The following CNTNAP5 variants were observed in gnomAD, a reference collection of about 807,000 sequenced individuals.
CNTNAP5 encodes the protein contactin-associated protein-like 5.
In CNTNAP5, 72 loss-of-function variants were observed where a neutral mutation model predicts 150.2. That is an observed-to-expected ratio of 0.48 (90% confidence interval 0.40 to 0.58). CNTNAP5 has a LOEUF of 0.58. CNTNAP5 is among the 20% of genes least tolerant of loss of function. The pLI is 0.00. For missense variants in CNTNAP5, 1,636 were observed against 1,626.2 expected (o/e 1.01, Z -0.10); for synonymous variants, 672 against 619.8 (o/e 1.08, Z -1.25).
intron 19 of CNTNAP5, among the ~76,000 whole-genome samples, chr2:124,812,402 G>A (rs1018924203): frequency 5.3e-5 from 8 of 151,360 alleles, no homozygotes; most frequent in Admixed American, 4.0e-4. Context: ...TTATGGCAGA[G>A]CACTCCAAAG....
chr2:124,800,008 C>A (rs575414375), intron 19 of CNTNAP5, among the ~76,000 whole-genome samples: 1 of 152,262 alleles, frequency 6.6e-6, no homozygotes, highest in Non-Finnish European at 1.5e-5. Context: ...ATCAACATAG[C>A]AGGTCTTAGA....
Position 124,060,000 on chromosome 2 carries a change from A to T in CNTNAP5, c.82+34268A>T, listed in dbSNP as rs145456646. The stretch of plus-strand genomic sequence containing the variant: ...GAGGTGAAAAATGAAAATACTTCAA[A>T]TATTTTCCAACTGTAATAGTCGATG... On this transcript the variant is annotated intron_variant, in intron 1 of 23. Coordinates refer to ENST00000682447, the MANE Select transcript of CNTNAP5 (RefSeq NM_001367498.1). Among the ~76,000 whole-genome samples the T allele has an allele frequency of 3.5e-3, 534 of 152,282 alleles. 1 individual carries two copies. Among genetic ancestry groups the T allele is most frequent in the Non-Finnish European group, 5.6e-3 (379 of 68,018 alleles).
intron 13 of CNTNAP5, among the ~76,000 whole-genome samples, chr2:124,662,589 C>A (rs1483199905): frequency 6.6e-6 from 1 of 152,128 alleles, no homozygotes; most frequent in Non-Finnish European, 1.5e-5. Context: ...AAGTAAATTG[C>A]CTGAAGTCTT....
intron 17 of CNTNAP5, among the ~76,000 whole-genome samples, chr2:124,780,774 A>C (rs1002615878): frequency 6.6e-6 from 1 of 152,208 alleles, no homozygotes; most frequent in Non-Finnish European, 1.5e-5. Context: ...CCAGAAATAA[A>C]CTGAAAGCTG....
chr2:124,571,527 C>CTTTTTTTTTTTTTTTTTTTTTTTTTTT (rs1214169811), intron 11 of CNTNAP5, among the ~76,000 whole-genome samples: 2 of 46,844 alleles, frequency 4.3e-5, no homozygotes, highest in African/African-American at 1.0e-4. Context: ...TTTCTTTTTT[C>CTTTTTTTTTTTTTTTTTTTTTTTTTTT]TTTTTTTTTT....
chr2:124,672,982 G>T (rs1210206000), intron 13 of CNTNAP5, among the ~76,000 whole-genome samples: 1 of 152,002 alleles, frequency 6.6e-6, no homozygotes, highest in Non-Finnish European at 1.5e-5. Flanking sequence ...ACAGAGCAAA[G>T]AAATAGAAAA....
intron 1 of CNTNAP5, among the ~76,000 whole-genome samples, chr2:124,041,673 A>G (rs1681376167): frequency 3.3e-5 from 5 of 152,124 alleles, no homozygotes; most frequent in Admixed American, 3.3e-4. Context: ...GGGGGTTTCT[A>G]TTGGCATATA....
intron 19 of CNTNAP5, among the ~76,000 whole-genome samples, chr2:124,839,755 G>A (rs1051895036): frequency 5.3e-5 from 8 of 152,132 alleles, no homozygotes; most frequent in African/African-American, 1.9e-4. Context: ...CCGGCTGTAC[G>A]TGGTGCACTG....
At chr2:124,535,147 C>T (rs181374129) in intron 10 of CNTNAP5, among the ~76,000 whole-genome samples, 7 of 152,202 alleles carry the variant, frequency 4.6e-5, no homozygotes, top group South Asian at 2.1e-4. Context: ...TGGTGACCAC[C>T]GGGCCCATTC....
At chr2:124,490,289 G>A (rs772205358) in intron 7 of CNTNAP5, among the ~76,000 whole-genome samples, 1 of 149,448 alleles carries the variant, frequency 6.7e-6, no homozygotes, top group South Asian at 2.1e-4. Flanking sequence ...GACCAAGAAG[G>A]CACCACTGCA....
At chr2:124,222,599 G>T (rs1686350506) in intron 2 of CNTNAP5, among the ~76,000 whole-genome samples, 1 of 151,872 alleles carries the variant, frequency 6.6e-6, no homozygotes, top group Admixed American at 6.6e-5. Flanking sequence ...AGAGCTACGG[G>T]TCTATTAGAG....
chr2:124,030,173 G>A (rs946655019), intron 1 of CNTNAP5, among the ~76,000 whole-genome samples: 1 of 152,068 alleles, frequency 6.6e-6, no homozygotes, highest in Admixed American at 6.6e-5. Flanking sequence ...GTCTTTAAAT[G>A]CTGATATTGC....
intron 14 of CNTNAP5, among the ~76,000 whole-genome samples, chr2:124,751,225 G>A (rs779936060): frequency 3.3e-5 from 5 of 151,468 alleles, no homozygotes; most frequent in Non-Finnish European, 5.9e-5. Flanking sequence ...GGGGTTGGGG[G>A]TAGGGGGAAC....
intron 13 of CNTNAP5, among the ~76,000 whole-genome samples, chr2:124,653,923 C>CG (rs1678378336): frequency 7.2e-6 from 1 of 139,204 alleles, no homozygotes; most frequent in African/African-American, 2.7e-5. Flanking sequence ...CCCCCCCCCC[C>CG]GCCACACACA....
intron 19 of CNTNAP5, among the ~76,000 whole-genome samples, chr2:124,864,383 C>G (rs1359348636): frequency 6.6e-6 from 1 of 152,120 alleles, no homozygotes; most frequent in Non-Finnish European, 1.5e-5. Flanking sequence ...CTTCTAGCTA[C>G]CTGAAACAAC....
intron 3 of CNTNAP5, among the ~76,000 whole-genome samples, chr2:124,318,866 A>G (rs1282744904): frequency 6.6e-6 from 1 of 151,904 alleles, no homozygotes; most frequent in East Asian, 1.9e-4. Context: ...TGCCCACACC[A>G]TCATTACAGC....
intron 1 of CNTNAP5, among the ~76,000 whole-genome samples, chr2:124,102,125 CT>C (rs1342427106): frequency 1.3e-5 from 2 of 152,168 alleles, no homozygotes; most frequent in Non-Finnish European, 2.9e-5. Flanking sequence ...CCACCACCCC[CT>C]GAACCAGAAT....
In CNTNAP5 at chr2:124,242,187, G is replaced by T. The variant is rs1460834496; in HGVS notation, c.188-13G>T. On this transcript the variant is annotated splice_polypyrimidine_tract_variant and intron_variant, in intron 2 of 23. Transcript: ENST00000682447. The stretch of plus-strand genomic sequence containing the variant: ...ACTACAACTCTCTCTCACTCTCTCT[G>T]ATCCTGTTCCAGGAACTGGCGGTTG... The T allele has an allele frequency of 1.3e-6, 2 of 1,571,968 alleles. No homozygotes were observed. The highest frequency in any genetic ancestry group is 3.7e-5 in the Admixed American group (2 of 53,682).
chr2:124,343,039 A>G (rs1689656694), intron 3 of CNTNAP5, among the ~76,000 whole-genome samples: 1 of 152,208 alleles, frequency 6.6e-6, no homozygotes, highest in Admixed American at 6.5e-5. Flanking sequence ...CCTTAGGATT[A>G]TAATTGCCTA....
Sources: allele counts gnomAD v4.1 joint callset (sites outside exome capture counted in the v4.1 genomes callset), GRCh38; gene constraint gnomAD v4.1.1; transcripts MANE v1.5; gene names NCBI Gene and HGNC (gene_info 2026-07-23, HGNC 2026-07-21).